The following CABIN1 variants were observed in gnomAD, a reference collection of about 807,000 sequenced individuals.
The protein encoded by CABIN1 is calcineurin binding protein 1.
In CABIN1, 133 loss-of-function variants were observed where a neutral mutation model predicts 227.7. The ratio of observed to expected loss-of-function variants is 0.58; its 90% CI spans 0.51 to 0.67. The LOEUF is 0.67. Among genes scored for constraint, CABIN1 ranks in the 30% least tolerant of loss-of-function variants. The probability of loss-of-function intolerance (pLI) is 0.00; values close to 1 mark genes in which losing one functional copy is unlikely to be tolerated. For synonymous variants in CABIN1, 1,086 were observed against 1,155.1 expected, an observed-to-expected ratio of 0.94 and a Z score of 1.21; for missense variants, 2,408 against 2,852.5, an observed-to-expected ratio of 0.84 and a Z score of 3.55.
chr22:24,088,182 A>G (rs774627108), intron 23 of CABIN1, among the ~76,000 whole-genome samples: 7 of 152,096 alleles, frequency 4.6e-5, no homozygotes, highest in African/African-American at 1.4e-4. Flanking sequence ...GCTCCTTGAG[A>G]TGGAAGTGAA....
chr22:24,127,990 C>T (rs772313315), intron 28 of CABIN1, among the ~76,000 whole-genome samples: 6 of 152,142 alleles, frequency 3.9e-5, no homozygotes, highest in African/African-American at 1.4e-4. Flanking sequence ...TATCCCTGGT[C>T]TCTACCCACT....
At chr22:24,079,637 T>A (rs1215737624) in intron 19 of CABIN1, among the ~76,000 whole-genome samples, 1 of 152,234 alleles carries the variant, frequency 6.6e-6, no homozygotes, top group Non-Finnish European at 1.5e-5. Flanking sequence ...TTCTTTCTAA[T>A]AATTTATAAT....
At chr22:24,173,900 C>T (rs906093245) in intron 34 of CABIN1, among the ~76,000 whole-genome samples, 4 of 152,152 alleles carry the variant, frequency 2.6e-5, no homozygotes, top group African/African-American at 9.6e-5. Context: ...CTTTCTGCCT[C>T]AGTTTCCTGC....
At chr22:24,169,078 G>GT (rs1443113196) in intron 33 of CABIN1, among the ~76,000 whole-genome samples, 1 of 152,054 alleles carries the variant, frequency 6.6e-6, no homozygotes, top group African/African-American at 2.4e-5. Flanking sequence ...GGGAGGGGGG[G>GT]GCGGGGTCCA....
chr22:24,045,408 G>T (rs781034571), intron 6 of CABIN1, among the ~76,000 whole-genome samples: 10 of 151,786 alleles, frequency 6.6e-5, no homozygotes, highest in Admixed American at 5.3e-4. Flanking sequence ...GAGCCCAGAA[G>T]TTCAAGAACA....
rs1353589656 is a variant in CABIN1 at position 24,059,777 on chromosome 22, T to C, written c.1400-147T>C. 5 of 766,064 alleles carry C rather than the reference T, an allele frequency of 6.5e-6. No individual in the cohort carries two copies. The Admixed American group carries it at 1.0e-4, about 15-fold the overall frequency. 47.5% of individuals were successfully genotyped at this position (766,064 alleles called of 1,614,324 possible). A position where few individuals can be genotyped will look rare whatever the true frequency, so the allele number is the denominator to read the frequency against. The stretch of plus-strand genomic sequence containing the variant: ...GAGCCAGGCATTGAACCCAGTAGCC[T>C]GATCTCAGCACCACAACGTGGTATC... On this transcript the variant is annotated intron_variant, in intron 11 of 36. Coordinates refer to ENST00000263119, the MANE Select transcript of CABIN1 (RefSeq NM_012295.4).
chr22:24,056,396 C>T, intron 10 of CABIN1, 36 bp downstream of exon 10: 1 of 1,602,144 alleles, frequency 6.2e-7, no homozygotes, highest in Non-Finnish European at 8.6e-7. Context: ...AGAAACAAAC[C>T]CACAAAGCTC....
Position 24,050,960 on chromosome 22 carries a change from C to T in CABIN1, c.792C>T (p.Pro264=). 1.2e-6 allele frequency: 2 copies of T among 1,614,188 alleles called. No individual in the cohort carries two copies. The highest frequency in any genetic ancestry group is 1.7e-6 in the Non-Finnish European group (2 of 1,180,046). ...AGCCGGACCTGAAACTTGTGCAGCC[C>T]ATTCCTTTCTTCACGTAGGTTGTCT... The part of the protein sequence containing the change: ...EKEPDLKLVQ[P]IPFFTWKCLG... Residue 264 remains proline (P), a synonymous_variant, in exon 8 of 37, where the codon CCC becomes CCT. Coordinates refer to ENST00000263119, the MANE Select transcript of CABIN1 (RefSeq NM_012295.4).
chr22:24,017,039 CT>C (rs767688741), intron 1 of CABIN1, among the ~76,000 whole-genome samples: 4,726 of 122,170 alleles, frequency 0.039, 46 homozygotes, highest in African/African-American at 0.091. Flanking sequence ...TACAATTTAT[CT>C]TTTTTTTTTT....
At chr22:24,162,707 T>C (rs1425926221) in intron 29 of CABIN1, among the ~76,000 whole-genome samples, 3 of 152,340 alleles carry the variant, frequency 2.0e-5, no homozygotes, top group African/African-American at 7.2e-5. Flanking sequence ...GGCGGCGGTG[T>C]CTATGGTTCC....
chr22:24,036,316 A>C (rs1253789523), intron 3 of CABIN1, 135 bp downstream of exon 3: 1 of 726,436 alleles, frequency 1.4e-6, no homozygotes, highest in Non-Finnish European at 2.5e-6. Flanking sequence ...CTAGCTCTCC[A>C]TCTCCTGTTA....
At position 24,072,502 on chromosome 22, in the gene CABIN1, C is replaced by T. The variant is rs201926665; in HGVS notation, c.2624C>T (p.Ala875Val). 1.7e-5 allele frequency: 27 copies of T among 1,614,134 alleles called. No individual in the cohort carries two copies. In the Middle Eastern group the frequency reaches 4.9e-4, roughly 30 times the overall value. The change falls in exon 18 of 37, where the codon GCG becomes GTG. Residue 875 changes from alanine (A) to valine (V), a missense_variant. Physicochemically the swap from Ala to Val is moderately conservative, Grantham distance 64 (BLOSUM62 0). This residue lies in a region of CABIN1 where 1,045 missense variants were observed against 1,168.4 expected (regional missense o/e 0.89). Coordinates refer to ENST00000263119, the MANE Select transcript of CABIN1 (RefSeq NM_012295.4). ...CACCAGCAGCAGCTCCAAAACCCAG[C>T]GGAGGAAGGTGCACAGGCAGTGGGT... ...LCHQQQLQNPAEEGMSETPML... is the reference protein window; with the variant it reads ...LCHQQQLQNPVEEGMSETPML...
Position 24,119,656 on chromosome 22 carries a change from C to T in CABIN1, c.4590C>T (p.Leu1530=). The change falls in exon 28 of 37, where the codon CTC becomes CTT. Residue 1530 remains leucine, a synonymous_variant. Coordinates refer to ENST00000263119, the MANE Select transcript of CABIN1 (RefSeq NM_012295.4). ...LSRFPQHYKS[L]YRLAFLYTYS... is the part of the protein sequence containing the mutation. ...GCTTCCCCCAGCACTATAAGAGTCT[C>T]TACCGTCTGGCCTTCCTCTACACCT... The T allele has an allele frequency of 1.2e-6, 2 of 1,614,048 alleles. No individual in the cohort carries two copies. Among genetic ancestry groups the T allele is most frequent in the Non-Finnish European group, 1.7e-6 (2 of 1,180,028 alleles).
intron 28 of CABIN1, among the ~76,000 whole-genome samples, chr22:24,131,485 G>A (rs2044070132): frequency 6.6e-6 from 1 of 152,184 alleles, no homozygotes; most frequent in Non-Finnish European, 1.5e-5. Context: ...GGGCCCTGCA[G>A]CCCATGGTCT....
chr22:24,090,734 C>A (rs1409309549), intron 23 of CABIN1, among the ~76,000 whole-genome samples: 1 of 152,224 alleles, frequency 6.6e-6, no homozygotes, highest in East Asian at 1.9e-4. Context: ...CTAGTGCCTG[C>A]AGACTCATCC....
chr22:24,103,578 G>T (rs1412704625), intron 26 of CABIN1, among the ~76,000 whole-genome samples: 1 of 152,164 alleles, frequency 6.6e-6, no homozygotes, highest in African/African-American at 2.4e-5. Context: ...TTTCTGGTTG[G>T]AGTGCCATTC....
Position 24,171,776 on chromosome 22 carries a change from G to T in CABIN1, c.5821G>T (p.Val1941Leu). Residue 1941 changes from valine (V) to leucine (L), a missense_variant, in exon 34 of 37, where the codon GTG becomes TTG. By Grantham distance (32) the Val-to-Leu change is conservative. This residue lies in a region of CABIN1 where 714 missense variants were observed against 773.8 expected (regional missense o/e 0.92). Transcript: ENST00000263119. ...AGACAGCCGAGAGAACTTCTTTCCTGTGACAGTGGTGCCCACAGCCCCTGA... is the reference window on the plus strand; with the variant it reads ...AGACAGCCGAGAGAACTTCTTTCCTTTGACAGTGGTGCCCACAGCCCCTGA... ...PKDSRENFFP[V>L]TVVPTAPDPV... The T allele has an allele frequency of 6.2e-7, 1 of 1,614,146 alleles. No individual in the cohort carries two copies. Among genetic ancestry groups the T allele is most frequent in the Non-Finnish European group, 8.5e-7 (1 of 1,180,018 alleles).
At chr22:24,104,046 CTG>C (rs938328449) in intron 26 of CABIN1, among the ~76,000 whole-genome samples, 1 of 152,044 alleles carries the variant, frequency 6.6e-6, no homozygotes. Context: ...ACTGAGGTGA[CTG>C]GGGTGGATGA....
At chr22:24,124,506 C>T (rs952177977) in intron 28 of CABIN1, among the ~76,000 whole-genome samples, 4 of 152,350 alleles carry the variant, frequency 2.6e-5, no homozygotes, top group Middle Eastern at 3.4e-3. Flanking sequence ...ACCTGTTGCC[C>T]TGCACACTGT....
Sources: allele counts gnomAD v4.1 joint callset (sites outside exome capture counted in the v4.1 genomes callset), GRCh38; gene constraint gnomAD v4.1.1; regional missense constraint gnomAD v4.1.1; transcripts MANE v1.5; gene names NCBI Gene and HGNC (gene_info 2026-07-23, HGNC 2026-07-21).